The following INPP4B variants were observed in gnomAD, a reference collection of about 807,000 sequenced individuals.
INPP4B encodes the protein inositol polyphosphate 4-phosphatase type II.
Under a neutral mutation model 122.5 loss-of-function variants are expected in INPP4B, and 55 were observed. That is an observed-to-expected ratio of 0.45 (90% CI 0.36 to 0.56). INPP4B has a LOEUF of 0.56. Ranked by LOEUF, INPP4B falls within the 20% of genes least tolerant of loss-of-function variation. INPP4B has a pLI of 0.00. For missense variants in INPP4B, 1,000 were observed against 1,097.7 expected, an observed-to-expected ratio of 0.91 and a Z score of 1.26; for synonymous variants, 403 against 388.7, an observed-to-expected ratio of 1.04 and a Z score of -0.43.
At chr4:142,218,068 C>T (rs527626592) in intron 12 of INPP4B, among the ~76,000 whole-genome samples, 1 of 144,432 alleles carries the variant, frequency 6.9e-6, no homozygotes, top group South Asian at 2.3e-4. Flanking sequence ...GTGTTCTATT[C>T]TGTTTCTCTT....
At chr4:142,784,399 AT>A in intron 1 of INPP4B, among the ~76,000 whole-genome samples, 3 of 148,916 alleles carry the variant, frequency 2.0e-5, no homozygotes, top group Non-Finnish European at 4.4e-5. Flanking sequence ...AAATAAATAA[AT>A]AAATAAATAA....
At chr4:142,306,442 C>T (rs564030322) in intron 8 of INPP4B, among the ~76,000 whole-genome samples, 3 of 152,196 alleles carry the variant, frequency 2.0e-5, no homozygotes, top group South Asian at 2.1e-4. Flanking sequence ...AAATACTCCA[C>T]AATAAGTCAA....
chr4:142,578,341 C>A (rs2037388954), intron 2 of INPP4B, among the ~76,000 whole-genome samples: 2 of 152,038 alleles, frequency 1.3e-5, no homozygotes, highest in South Asian at 4.1e-4. Flanking sequence ...GAATGTCCAA[C>A]TTTTCTCTGA....
At chr4:142,534,499 T>C (rs764341424) in intron 2 of INPP4B, among the ~76,000 whole-genome samples, 16 of 152,106 alleles carry the variant, frequency 1.1e-4, no homozygotes, top group Non-Finnish European at 2.1e-4. Flanking sequence ...GAGAGCCTGA[T>C]GACTTGATCT....
chr4:142,481,790 G>A (rs1820580438), intron 2 of INPP4B, among the ~76,000 whole-genome samples: 1 of 152,110 alleles, frequency 6.6e-6, no homozygotes, highest in African/African-American at 2.4e-5. Flanking sequence ...GTGCAAATAT[G>A]TTATAATCTG....
At chr4:142,102,831 C>A (rs1785146237) in intron 23 of INPP4B, among the ~76,000 whole-genome samples, 1 of 152,022 alleles carries the variant, frequency 6.6e-6, no homozygotes, top group Non-Finnish European at 1.5e-5. Context: ...TCAGCAGGAT[C>A]AAGTATAGAT....
chr4:142,684,948 A>G (rs1302635803), intron 2 of INPP4B, among the ~76,000 whole-genome samples: 2 of 152,110 alleles, frequency 1.3e-5, no homozygotes, highest in Admixed American at 1.3e-4. Flanking sequence ...CTGGTTATAT[A>G]TTAATAAAAA....
chr4:142,435,372 C>A (rs1173443529), intron 3 of INPP4B, among the ~76,000 whole-genome samples: 1 of 149,966 alleles, frequency 6.7e-6, no homozygotes. Flanking sequence ...ATTCCTACCA[C>A]AAATTTAATT....
At position 142,520,013 on chromosome 4, in the gene INPP4B, A is replaced by G. The variant is rs965848171; in HGVS notation, c.-190-57287T>C. 5.9e-5 allele frequency among the ~76,000 whole-genome samples: 9 copies of G among 152,160 alleles called. No homozygotes were observed. In the South Asian group the frequency reaches 1.7e-3, roughly 28 times the overall value. ...ATTAGTATTGATGTAAATTTCTTCT[A>G]TGAAAATCTGGGTTCTAAATTAACC... On this transcript the variant is annotated intron_variant, in intron 2 of 25. Transcript: ENST00000262992.
chr4:142,658,094 T>A (rs1363821468), intron 2 of INPP4B, among the ~76,000 whole-genome samples: 1 of 152,220 alleles, frequency 6.6e-6, no homozygotes, highest in South Asian at 2.1e-4. Context: ...TCAATCATAA[T>A]TAAGGTTATG....
chr4:142,091,076 A>T (rs1379889550), intron 23 of INPP4B, among the ~76,000 whole-genome samples: 1 of 152,170 alleles, frequency 6.6e-6, no homozygotes, highest in Non-Finnish European at 1.5e-5. Flanking sequence ...TGATGTTCTC[A>T]TAGGAGGGGA....
intron 2 of INPP4B, among the ~76,000 whole-genome samples, chr4:142,705,165 A>C (rs917465894): frequency 3.3e-5 from 5 of 152,024 alleles, no homozygotes; most frequent in Non-Finnish European, 5.9e-5. Context: ...CAATCTACAC[A>C]TATTTCCTGG....
intron 15 of INPP4B, among the ~76,000 whole-genome samples, chr4:142,184,501 C>T (rs1247506449): frequency 2.6e-5 from 4 of 152,186 alleles, no homozygotes; most frequent in Non-Finnish European, 5.9e-5. Context: ...CTGATCTCTT[C>T]TGCAGGCATA....
At chr4:142,122,904 T>C (rs2152751784) in intron 20 of INPP4B, among the ~76,000 whole-genome samples, 1 of 152,250 alleles carries the variant, frequency 6.6e-6, no homozygotes, top group African/African-American at 2.4e-5. Flanking sequence ...TATGCATATC[T>C]AGTACTTATT....
chr4:142,300,193 C>T (rs1034052672), intron 9 of INPP4B, among the ~76,000 whole-genome samples: 2 of 152,112 alleles, frequency 1.3e-5, no homozygotes, highest in Admixed American at 6.6e-5. Flanking sequence ...TATTTCAATC[C>T]ACTGCCCTGT....
At chr4:142,674,029 A>T (rs962372) in intron 2 of INPP4B, among the ~76,000 whole-genome samples, 117,749 of 151,856 alleles carry the variant, frequency 0.78, 46,369 homozygotes, top group East Asian at 0.85. Context: ...TCTTTCAAGT[A>T]ATACTTCTAC....
chr4:142,585,669 C>T (rs560816959), intron 2 of INPP4B, among the ~76,000 whole-genome samples: 2 of 152,170 alleles, frequency 1.3e-5, no homozygotes, highest in South Asian at 4.2e-4. Context: ...CAGAAAGCTG[C>T]TCACAGTTAG....
At chr4:142,106,915 A>G (rs1479943847) in intron 23 of INPP4B, among the ~76,000 whole-genome samples, 1 of 152,154 alleles carries the variant, frequency 6.6e-6, no homozygotes, top group Non-Finnish European at 1.5e-5. Context: ...TTTTTTTCCA[A>G]ATTGTAAGTA....
At chr4:142,734,781 G>A (rs1766595955) in intron 1 of INPP4B, among the ~76,000 whole-genome samples, 1 of 152,140 alleles carries the variant, frequency 6.6e-6, no homozygotes, top group African/African-American at 2.4e-5. Flanking sequence ...AAGTAGCTGG[G>A]ATTACAGGCA....
Sources: gnomAD v4.1 joint callset for allele counts (sites outside exome capture counted in the v4.1 genomes callset) on GRCh38, gnomAD v4.1.1 for gene constraint, MANE v1.5 for transcripts, NCBI Gene and HGNC (gene_info 2026-07-23, HGNC 2026-07-21) for gene names.